The following NRXN3 variants were observed in gnomAD, a reference collection of about 807,000 sequenced individuals.
NRXN3 encodes neurexin 3, also known as neurexin III.
Under a neutral mutation model 137.6 loss-of-function variants are expected in NRXN3, and 32 were observed. The ratio of observed to expected loss-of-function variants is 0.23; its 90% confidence interval spans 0.18 to 0.31. NRXN3 has a LOEUF of 0.31. Among genes scored for constraint, NRXN3 ranks in the 10% least tolerant of loss-of-function variants. The probability of loss-of-function intolerance (pLI) is 1.00; values close to 1 mark genes in which losing one functional copy is unlikely to be tolerated. For synonymous variants in NRXN3, 798 were observed against 784.5 expected (o/e 1.02, Z -0.29); for missense variants, 1,574 against 2,062.5 (o/e 0.76, Z 4.59).
At chr14:79,542,482 G>A (rs183230528) in intron 16 of NRXN3, among the ~76,000 whole-genome samples, 6 of 152,224 alleles carry the variant, frequency 3.9e-5, no homozygotes, top group South Asian at 2.1e-4. Context: ...ATGTTGGGCC[G>A]TATCTATTTT....
intron 14 of NRXN3, among the ~76,000 whole-genome samples, chr14:78,979,982 A>C (rs1207279131): frequency 6.6e-6 from 1 of 152,228 alleles, no homozygotes; most frequent in African/African-American, 2.4e-5. Context: ...GGGTGGGGAC[A>C]CAGCCAACAA....
chr14:79,106,880 A>AT (rs1415954999), intron 15 of NRXN3, among the ~76,000 whole-genome samples: 2 of 152,116 alleles, frequency 1.3e-5, no homozygotes, highest in Non-Finnish European at 2.9e-5. Flanking sequence ...AATGAAGTAT[A>AT]TTTTGCTATT....
At chr14:79,134,557 G>T (rs1483474879) in intron 15 of NRXN3, among the ~76,000 whole-genome samples, 1 of 152,198 alleles carries the variant, frequency 6.6e-6, no homozygotes, top group East Asian at 1.9e-4. Flanking sequence ...GTTACATAAT[G>T]CTATGCTTCT....
chr14:78,954,932 C>T (rs1309024246), intron 10 of NRXN3, among the ~76,000 whole-genome samples: 1 of 152,114 alleles, frequency 6.6e-6, no homozygotes, highest in Non-Finnish European at 1.5e-5. Context: ...CATCACTGGA[C>T]TGAGAGAAAG....
chr14:78,513,630 A>C (rs1185266604), intron 4 of NRXN3, among the ~76,000 whole-genome samples: 1 of 152,196 alleles, frequency 6.6e-6, no homozygotes, highest in Non-Finnish European at 1.5e-5. Flanking sequence ...CTGAGACTGC[A>C]GTAACTTTTA....
At chr14:79,116,923 A>G (rs2054549811) in intron 15 of NRXN3, among the ~76,000 whole-genome samples, 1 of 152,264 alleles carries the variant, frequency 6.6e-6, no homozygotes, top group Non-Finnish European at 1.5e-5. Flanking sequence ...ATGCCTTGTC[A>G]AAGATTTCTG....
chr14:78,484,478 A>T (rs114786984), intron 4 of NRXN3, among the ~76,000 whole-genome samples: 2,629 of 152,210 alleles, frequency 0.017, 64 homozygotes, highest in African/African-American at 0.051. Context: ...CCTTTAATGC[A>T]TGTATTACTT....
At chr14:79,391,289 A>G (rs1599624384) in intron 15 of NRXN3, among the ~76,000 whole-genome samples, 1 of 152,176 alleles carries the variant, frequency 6.6e-6, no homozygotes, top group Non-Finnish European at 1.5e-5. Context: ...TCATTTTGAG[A>G]GGCAGCTTTC....
chr14:78,815,511 C>CT lies in NRXN3; in HGVS notation c.2275+5169dup, dbSNP rs1477803157. 1.5e-3 allele frequency among the ~76,000 whole-genome samples: 24 copies of CT among 15,814 alleles called. No homozygotes were observed. In the East Asian group the frequency reaches 0.028, roughly 18 times the overall value. The allele number at this position is 15,814 out of a possible 152,430, so 10.4% of individuals were successfully genotyped here. A position where few individuals can be genotyped will look rare whatever the true frequency, so the allele number is the denominator to read the frequency against. On this transcript the variant is annotated intron_variant, in intron 10 of 20. Transcript: ENST00000335750. ...TTTTTTTTTTTTTTTTGCCTTTTCC[C>CT]TTAGCTTCTCTGCCTTAAGTTTCTA... is the stretch of plus-strand genomic sequence containing the variant.
chr14:79,571,941 G>T (rs2097607428), intron 16 of NRXN3, among the ~76,000 whole-genome samples: 1 of 152,238 alleles, frequency 6.6e-6, no homozygotes, highest in East Asian at 1.9e-4. Context: ...TTTCCCTACA[G>T]ATTTTCCTGT....
At chr14:79,779,864 T>A (rs950083048) in intron 19 of NRXN3, among the ~76,000 whole-genome samples, 4 of 152,150 alleles carry the variant, frequency 2.6e-5, no homozygotes, top group African/African-American at 9.7e-5. Context: ...GGCTCCTCTG[T>A]AATTTTATTT....
At chr14:78,708,780 A>G (rs1020941762) in intron 6 of NRXN3, among the ~76,000 whole-genome samples, 13 of 152,086 alleles carry the variant, frequency 8.5e-5, no homozygotes, top group African/African-American at 3.1e-4. Context: ...CAAAAGCAAT[A>G]CCTTGTTTGC....
intron 4 of NRXN3, among the ~76,000 whole-genome samples, chr14:78,370,881 G>A (rs1429361605): frequency 2.0e-5 from 3 of 152,270 alleles, no homozygotes; most frequent in East Asian, 1.9e-4. Flanking sequence ...ACATTGTGTG[G>A]TAAGGGCATT....
At chr14:78,331,060 A>G (rs905149203) in intron 4 of NRXN3, among the ~76,000 whole-genome samples, 1 of 152,180 alleles carries the variant, frequency 6.6e-6, no homozygotes, top group Non-Finnish European at 1.5e-5. Flanking sequence ...TCTAGTTCTT[A>G]GATTTTATGC....
chr14:78,633,251 CAAA>C (rs779442429), intron 4 of NRXN3, among the ~76,000 whole-genome samples: 5 of 68,072 alleles, frequency 7.3e-5, no homozygotes, highest in Admixed American at 1.7e-4. Context: ...GAGACTCTGT[CAAA>C]AAAAAAAAAA....
intron 15 of NRXN3, among the ~76,000 whole-genome samples, chr14:79,100,539 G>A (rs755282079): frequency 6.6e-6 from 1 of 152,180 alleles, no homozygotes; most frequent in Non-Finnish European, 1.5e-5. Flanking sequence ...TCCTAGAAAT[G>A]AGTTGTTAAT....
intron 8 of NRXN3, among the ~76,000 whole-genome samples, chr14:78,746,520 C>T (rs751268713): frequency 1.4e-4 from 21 of 152,066 alleles, no homozygotes; most frequent in Admixed American, 2.6e-4. Context: ...TTTTACAAGC[C>T]CACTCGAGTG....
At chr14:78,218,548 T>A (rs1174292584) in intron 1 of NRXN3, among the ~76,000 whole-genome samples, 2 of 152,242 alleles carry the variant, frequency 1.3e-5, no homozygotes, top group Non-Finnish European at 2.9e-5. Flanking sequence ...TCTGGGATAC[T>A]AATTCTCTCT....
chr14:78,584,542 A>G (rs188325354), intron 4 of NRXN3, among the ~76,000 whole-genome samples: 253 of 152,270 alleles, frequency 1.7e-3, no homozygotes, highest in African/African-American at 5.9e-3. Context: ...TTCTTTCCCA[A>G]ACAGCTCTCC....
Sources: gnomAD v4.1 joint callset for allele counts (sites outside exome capture counted in the v4.1 genomes callset) on GRCh38, gnomAD v4.1.1 for gene constraint, MANE v1.5 for transcripts, NCBI Gene and HGNC (gene_info 2026-07-23, HGNC 2026-07-21) for gene names.